Variants in GPM6A observed in about 807,000 individuals in gnomAD.
GPM6A encodes the protein neuronal membrane glycoprotein M6-a.
GPM6A carries 7 observed loss-of-function variants against 32.1 expected under a neutral mutation model. The observed-to-expected ratio is 0.22, with a 90% CI of 0.12 to 0.41. The LOEUF is 0.41. GPM6A is among the 10% of genes least tolerant of loss of function. The pLI is 1.00. For missense variants in GPM6A, 235 were observed against 347.2 expected (o/e 0.68, Z 2.57); for synonymous variants, 130 against 123.4 (o/e 1.05, Z -0.35).
At chr4:175,986,282 T>A (rs561714027) in intron 1 of GPM6A, among the ~76,000 whole-genome samples, 5 of 152,276 alleles carry the variant, frequency 3.3e-5, no homozygotes, top group African/African-American at 1.2e-4. Context: ...TGCTTGTAAT[T>A]CCAGCACTGT....
chr4:175,842,559 C>CA (rs954211313), intron 1 of GPM6A, among the ~76,000 whole-genome samples: 1 of 152,152 alleles, frequency 6.6e-6, no homozygotes. Flanking sequence ...CTTGTCTCTA[C>CA]AAAAAATAAA....
At chr4:175,887,456 T>C (rs974010756) in intron 1 of GPM6A, among the ~76,000 whole-genome samples, 2 of 151,936 alleles carry the variant, frequency 1.3e-5, no homozygotes, top group African/African-American at 4.8e-5. Flanking sequence ...ATACATATTT[T>C]AGAAAGAAAA....
intron 3 of GPM6A, among the ~76,000 whole-genome samples, chr4:175,666,888 T>C (rs571676828): frequency 2.6e-5 from 4 of 152,334 alleles, no homozygotes; most frequent in Admixed American, 6.5e-5. Flanking sequence ...CCTGGCTTTA[T>C]TGCAAAATTT....
chr4:175,719,203 CT>C (rs33963681), intron 1 of GPM6A, among the ~76,000 whole-genome samples: 73,118 of 146,536 alleles, frequency 0.5, 18,316 homozygotes, highest in Admixed American at 0.56. Flanking sequence ...TATAACACAA[CT>C]TTTTTTTTTT....
At chr4:175,865,587 T>C (rs1736709174) in intron 1 of GPM6A, among the ~76,000 whole-genome samples, 2 of 152,230 alleles carry the variant, frequency 1.3e-5, no homozygotes, top group East Asian at 3.8e-4. Flanking sequence ...ATTTACTTAG[T>C]TCTTCTTTAC....
At chr4:175,669,147 C>G (rs1742913327) in intron 3 of GPM6A, among the ~76,000 whole-genome samples, 1 of 152,196 alleles carries the variant, frequency 6.6e-6, no homozygotes, top group Non-Finnish European at 1.5e-5. Context: ...AAGTGCCTAA[C>G]AAATATTTCC....
At chr4:175,734,879 TACTTTA>T in intron 1 of GPM6A, among the ~76,000 whole-genome samples, 1 of 152,164 alleles carries the variant, frequency 6.6e-6, no homozygotes, top group Non-Finnish European at 1.5e-5. Flanking sequence ...CTATAATATT[TACTTTA>T]CCAACCTTAT....
chr4:175,676,211 C>A (rs1197441160), intron 2 of GPM6A, among the ~76,000 whole-genome samples: 1 of 152,146 alleles, frequency 6.6e-6, no homozygotes, highest in African/African-American at 2.4e-5. Flanking sequence ...AATTAAACCT[C>A]TTTCTTTTAT....
At chr4:175,812,967 G>C, upstream of GPM6A, 2 of 985,298 alleles carry the variant, frequency 2.0e-6, no homozygotes, top group South Asian at 9.4e-5. Flanking sequence ...ACACCTTTGA[G>C]ATTTAAAAAG....
At chr4:175,900,303 AGAAGGAAAGGAAAGGAAAGG>A (rs1560985692) in intron 1 of GPM6A, among the ~76,000 whole-genome samples, 1 of 130,428 alleles carries the variant, frequency 7.7e-6, no homozygotes, top group African/African-American at 3.1e-5. Context: ...AGAAAAGAAA[AGAAGGAAAGGAAAGGAAAGG>A]AAAGGAAAGG....
intron 2 of GPM6A, among the ~76,000 whole-genome samples, chr4:175,692,624 T>A (rs76448203): frequency 0.047 from 7,193 of 152,192 alleles, 202 homozygotes; most frequent in Non-Finnish European, 0.063. Flanking sequence ...TCAGTTTTTT[T>A]AAATACATTT....
rs377327180 is a variant in GPM6A at position 175,791,104 on chromosome 4, A to G, written c.37+21087T>C. ...GGACTAGAGTTCCATTTTTTTCACA[A>G]TTTATAATCATGTTATGCATAGGCT... On this transcript the variant is annotated intron_variant, in intron 1 of 6. Transcript: ENST00000393658. Among the ~76,000 whole-genome samples, 579 of 152,150 alleles carry G rather than the reference A, an allele frequency of 3.8e-3. 3 individuals carry two copies. Among genetic ancestry groups the G allele is most frequent in the Non-Finnish European group, 6.7e-3 (455 of 67,970 alleles).
rs569070925 is a variant in GPM6A, at chr4:175,918,441, C to T, written c.-23+83868G>A. Among the ~76,000 whole-genome samples the T allele has an allele frequency of 2.6e-5, 4 of 151,866 alleles. No individual in the cohort carries two copies. The South Asian group carries it at 8.3e-4, about 31-fold the overall frequency. On this transcript the variant is annotated intron_variant, in intron 1 of 7. Transcript: ENST00000280187. Reference sequence around the variant, plus strand: ...AGAAATGAGGCACACAAAATAACATCGCAATAGGTTTTAAGAAAAATTAGT... The same window carrying T: ...AGAAATGAGGCACACAAAATAACATTGCAATAGGTTTTAAGAAAAATTAGT...
At chr4:175,778,741 C>A (rs999728498) in intron 1 of GPM6A, among the ~76,000 whole-genome samples, 1 of 150,158 alleles carries the variant, frequency 6.7e-6, no homozygotes, top group Non-Finnish European at 1.5e-5. Flanking sequence ...TTTCTACTGC[C>A]TATGACATAG....
At chr4:175,721,834 T>C (rs1375280186) in intron 1 of GPM6A, among the ~76,000 whole-genome samples, 1 of 152,162 alleles carries the variant, frequency 6.6e-6, no homozygotes, top group Non-Finnish European at 1.5e-5. Context: ...ATAATATTCA[T>C]ATTAAGACTG....
chr4:175,759,388 G>C (rs774030287), intron 1 of GPM6A, among the ~76,000 whole-genome samples: 24 of 152,066 alleles, frequency 1.6e-4, no homozygotes, highest in Non-Finnish European at 3.4e-4. Context: ...AAGACAATAA[G>C]AGGTTAAACT....
chr4:175,651,149 A>G (rs1239989745), intron 4 of GPM6A, among the ~76,000 whole-genome samples: 1 of 152,162 alleles, frequency 6.6e-6, no homozygotes, highest in Non-Finnish European at 1.5e-5. Context: ...TAAGTCACTG[A>G]ACAACCCCAC....
intron 1 of GPM6A, among the ~76,000 whole-genome samples, chr4:175,914,809 T>A (rs1738439088): frequency 6.6e-6 from 1 of 152,072 alleles, no homozygotes. Flanking sequence ...AAAGGAAAGG[T>A]AGTTTTTTGT....
At chr4:175,973,307 T>C (rs1434498221) in intron 1 of GPM6A, among the ~76,000 whole-genome samples, 1 of 152,236 alleles carries the variant, frequency 6.6e-6, no homozygotes, top group African/African-American at 2.4e-5. Context: ...CAAGAAATTA[T>C]TTAGCTTTTT....
Sources: allele counts gnomAD v4.1 joint callset (sites outside exome capture counted in the v4.1 genomes callset), GRCh38; gene constraint gnomAD v4.1.1; transcripts MANE v1.5; gene names NCBI Gene and HGNC (gene_info 2026-07-23, HGNC 2026-07-21).